DNAJA3: variants seen among roughly 807,000 people sequenced by gnomAD.
DNAJA3 encodes the protein DnaJ heat shock protein family (Hsp40) member A3, also known as dnaJ homolog subfamily A member 3, mitochondrial.
DNAJA3 carries 29 observed loss-of-function variants against 54.9 expected under a neutral mutation model. The observed-to-expected ratio is 0.53, with a 90% CI of 0.39 to 0.72. The LOEUF (loss-of-function observed/expected upper bound fraction) is 0.72. Among genes scored for constraint, DNAJA3 ranks in the 30% least tolerant of loss-of-function variants. DNAJA3 has a pLI of 0.00. For missense variants in DNAJA3, 708 were observed against 639.4 expected, an observed-to-expected ratio of 1.11 and a Z score of -1.16; for synonymous variants, 302 against 251.4, an observed-to-expected ratio of 1.20 and a Z score of -1.90.
intron 7 of DNAJA3, among the ~76,000 whole-genome samples, chr16:4,445,082 T>C (rs1010457351): frequency 6.6e-6 from 1 of 152,210 alleles, no homozygotes; most frequent in Admixed American, 6.5e-5. Context: ...TTTTCTGAGA[T>C]GGTGGAAACA....
chr16:4,435,497 TC>T lies in DNAJA3; in HGVS notation c.345+984del, dbSNP rs545735667. 4.8e-3 allele frequency among the ~76,000 whole-genome samples: 732 copies of T among 152,284 alleles called. 2 individuals carry two copies. Among genetic ancestry groups the T allele is most frequent in the Non-Finnish European group, 6.9e-3 (469 of 68,018 alleles). The stretch of plus-strand genomic sequence containing the variant: ...AGCACTCCCCTTCCATTGTCCTCTC[TC>T]CCCGGTCCCTAGCAGCTGCTAATCT... On this transcript the variant is annotated intron_variant, in intron 2 of 11. Transcript: ENST00000262375.
chr16:4,446,752 C>T (rs2056905997), intron 7 of DNAJA3, 134 bp from the exon 8 acceptor site: 1 of 1,071,480 alleles, frequency 9.3e-7, no homozygotes, highest in Non-Finnish European at 1.3e-6. Context: ...CAGTTCTTTC[C>T]CTCAACACTG....
chr16:4,444,927 C>A (rs998347409), intron 7 of DNAJA3, among the ~76,000 whole-genome samples, 199 bp downstream of exon 7: 1 of 152,146 alleles, frequency 6.6e-6, no homozygotes, highest in Non-Finnish European at 1.5e-5. Flanking sequence ...GGAGAGAAGA[C>A]AACTTCTTCA....
At position 4,446,992 on chromosome 16, in the gene DNAJA3, T is replaced by C; in HGVS notation, c.1103T>C (p.Leu368Pro). ...LLGGTARAQGLYETINVTIPP... is the reference protein window; with the variant it reads ...LLGGTARAQGPYETINVTIPP... ...GGGGGTACAGCCAGAGCCCAGGGCC[T>C]GTACGAGACGATCAACGTGACGGTA... Residue 368 changes from leucine (L) to proline (P), a missense_variant, in exon 8 of 12, where the codon CTG becomes CCG. Physicochemically the swap from Leu to Pro is moderately conservative, Grantham distance 98 (BLOSUM62 -3). Coordinates refer to ENST00000262375, the MANE Select transcript of DNAJA3 (RefSeq NM_005147.6). 6.2e-7 allele frequency: 1 copy of C among 1,614,026 alleles called. No homozygotes were observed. The highest frequency in any genetic ancestry group is 8.5e-7 in the Non-Finnish European group (1 of 1,179,982).
At position 4,450,068 on chromosome 16, in the gene DNAJA3, A is replaced by G. The variant is rs147402480; in HGVS notation, c.1242-332A>G. ...CTCCCAAAATGCTGGGATTACAGGC[A>G]TGAGCCACTGCGCCTGGCCTAATTA... is the stretch of plus-strand genomic sequence containing the variant. On this transcript the variant is annotated intron_variant, in intron 9 of 11. Transcript: ENST00000262375. The G allele has an allele frequency of 4.4e-3, 912 of 209,264 alleles. 4 individuals are homozygous for G. Among genetic ancestry groups the G allele is most frequent in the African/African-American group, 0.011 (474 of 43,666 alleles). 13.0% of individuals were successfully genotyped at this position (209,264 alleles called of 1,614,324 possible).
In DNAJA3 at chr16:4,443,079, C is replaced by T. The variant is rs1045197588; in HGVS notation, c.846C>T (p.Gly282=). 1 of 1,613,912 alleles carries T rather than the reference C, an allele frequency of 6.2e-7. No homozygotes were observed. The highest frequency in any genetic ancestry group is 1.3e-5 in the African/African-American group (1 of 74,938). The change falls in exon 6 of 12, where the codon GGC becomes GGT. Residue 282 remains glycine, a synonymous_variant. Transcript: ENST00000262375. ...RSTCRRCGGR[G]SIIISPCVVC... is the part of the protein sequence containing the mutation. Reference sequence around the variant, plus strand: ...CGTGTAGGAGATGTGGTGGCCGCGGCTCCATCATCATATCGCCCTGTGTGG... The same window carrying T: ...CGTGTAGGAGATGTGGTGGCCGCGGTTCCATCATCATATCGCCCTGTGTGG...
intron 1 of DNAJA3, among the ~76,000 whole-genome samples, chr16:4,426,448 G>A (rs1166612928): frequency 6.6e-6 from 1 of 152,188 alleles, no homozygotes; most frequent in Non-Finnish European, 1.5e-5. Context: ...CATTCGGAGA[G>A]GCCTAGGTAC....
chr16:4,430,020 C>T (rs575141510), intron 1 of DNAJA3, among the ~76,000 whole-genome samples: 1 of 151,318 alleles, frequency 6.6e-6, no homozygotes, highest in African/African-American at 2.4e-5. Flanking sequence ...ATAAAGTCAT[C>T]AACTGAGAAG....
chr16:4,427,031 C>A (rs907803694), intron 1 of DNAJA3: 2 of 152,176 alleles, frequency 1.3e-5, no homozygotes, highest in Admixed American at 6.6e-5. Flanking sequence ...GATTATCCTG[C>A]CTCAGCCTCC....
intron 1 of DNAJA3, 163 bp from the exon 2 acceptor site, chr16:4,434,221 G>C: frequency 1.4e-6 from 1 of 715,462 alleles, no homozygotes; most frequent in South Asian, 1.9e-5. Context: ...GACACGTGGG[G>C]ATTATGGGAA....
At chr16:4,447,944 C>T (rs2056922870) in intron 8 of DNAJA3, 1 of 151,430 alleles carries the variant, frequency 6.6e-6, no homozygotes, top group South Asian at 2.1e-4. Context: ...CTCCTGATCT[C>T]AGGCAGTTCA....
At chr16:4,435,799 A>C (rs1333600799) in intron 2 of DNAJA3, among the ~76,000 whole-genome samples, 1 of 152,148 alleles carries the variant, frequency 6.6e-6, no homozygotes, top group Non-Finnish European at 1.5e-5. Context: ...TTCATATGTA[A>C]GTTTTTGTGT....
At chr16:4,426,154 C>A in intron 1 of DNAJA3, 62 bp downstream of exon 1, 1 of 1,442,116 alleles carries the variant, frequency 6.9e-7, no homozygotes, top group Non-Finnish European at 9.2e-7. Flanking sequence ...TGAGTCTCCT[C>A]GCTGTGACTA....
At chr16:4,441,026 C>T in intron 3 of DNAJA3, 2 of 312,586 alleles carry the variant, frequency 6.4e-6, no homozygotes, top group Non-Finnish European at 1.2e-5. Context: ...CATAAATTCT[C>T]TACGAGGTAA....
intron 10 of DNAJA3, among the ~76,000 whole-genome samples, chr16:4,451,793 G>A (rs557452998): frequency 2.5e-3 from 373 of 148,612 alleles, no homozygotes; most frequent in African/African-American, 8.7e-3. Flanking sequence ...TGGCGCGGTG[G>A]CTCACGCCTG....
At chr16:4,442,236 A>G in intron 4 of DNAJA3, 32 bp from the exon 5 acceptor site, 2 of 1,539,718 alleles carry the variant, frequency 1.3e-6, no homozygotes, top group Non-Finnish European at 1.8e-6. Context: ...GTTGCAAACA[A>G]AAGTTGACAG....
intron 6 of DNAJA3, among the ~76,000 whole-genome samples, chr16:4,444,424 A>T (rs1365493892): frequency 1.3e-5 from 2 of 148,892 alleles, no homozygotes; most frequent in Non-Finnish European, 3.0e-5. Flanking sequence ...GCTCACTGCA[A>T]CCTCCGCCTC....
At chr16:4,442,487 C>A in intron 5 of DNAJA3, 67 bp downstream of exon 5, 1 of 1,474,310 alleles carries the variant, frequency 6.8e-7, no homozygotes, top group Non-Finnish European at 9.0e-7. Context: ...CTGGTTGTGG[C>A]ACTGCTCCCA....
chr16:4,433,625 A>G (rs1021831629), intron 1 of DNAJA3, among the ~76,000 whole-genome samples: 1 of 152,192 alleles, frequency 6.6e-6, no homozygotes, highest in African/African-American at 2.4e-5. Context: ...TGCAAGATAG[A>G]GGGAAAAGAA....
Sources: allele counts gnomAD v4.1 joint callset (sites outside exome capture counted in the v4.1 genomes callset), GRCh38; gene constraint gnomAD v4.1.1; transcripts MANE v1.5; gene names NCBI Gene and HGNC (gene_info 2026-07-23, HGNC 2026-07-21).